ASIC2: variants seen among roughly 807,000 people sequenced by gnomAD.
ASIC2 encodes acid-sensing ion channel 2.
Under a neutral mutation model 57.3 loss-of-function variants are expected in ASIC2, and 25 were observed. The observed-to-expected ratio is 0.44, with a 90% CI of 0.32 to 0.61. ASIC2 has a LOEUF of 0.61. Ranked by LOEUF, ASIC2 falls within the 20% of genes least tolerant of loss-of-function variation. The pLI, the probability that ASIC2 is intolerant of heterozygous loss-of-function variation, is 0.06. For missense variants in ASIC2, 641 were observed against 738.1 expected (o/e 0.87, Z 1.52); for synonymous variants, 319 against 307.5 (o/e 1.04, Z -0.39).
At chr17:33,289,116 C>T (rs762697573) in intron 1 of ASIC2, among the ~76,000 whole-genome samples, 1 of 152,206 alleles carries the variant, frequency 6.6e-6, no homozygotes, top group Non-Finnish European at 1.5e-5. Context: ...GGGCTGGATA[C>T]TCCCAGGACT....
chr17:33,690,465 C>T (rs184963606), intron 1 of ASIC2, among the ~76,000 whole-genome samples: 1 of 152,260 alleles, frequency 6.6e-6, no homozygotes, highest in African/African-American at 2.4e-5. Context: ...TGGGCTTCTT[C>T]ATAGTATGAT....
chr17:33,726,239 G>C (rs1909557050), intron 1 of ASIC2, among the ~76,000 whole-genome samples: 1 of 152,094 alleles, frequency 6.6e-6, no homozygotes, highest in African/African-American at 2.4e-5. Context: ...GACACCCAGG[G>C]GTCCTAGCAT....
intron 3 of ASIC2, among the ~76,000 whole-genome samples, chr17:33,060,172 C>T (rs1295984844): frequency 6.6e-6 from 1 of 152,188 alleles, no homozygotes; most frequent in South Asian, 2.1e-4. Flanking sequence ...TTAATTAGAT[C>T]CCACTTGTCA....
chr17:33,142,836 C>T lies in ASIC2; in HGVS notation c.709-30769G>A, dbSNP rs78361392. On this transcript the variant is annotated intron_variant, in intron 1 of 9. Transcript: ENST00000225823. ...TGTCAATGTTTCTAGATGTGGTGACCACCCTCTATATGTATCCCGTAGATG... is the reference window on the plus strand; with the variant it reads ...TGTCAATGTTTCTAGATGTGGTGACTACCCTCTATATGTATCCCGTAGATG... Among the ~76,000 whole-genome samples, 79 of 152,244 alleles carry T rather than the reference C, an allele frequency of 5.2e-4. 3 individuals are homozygous for T. In the East Asian group the frequency reaches 0.011, roughly 22 times the overall value.
At chr17:33,310,198 A>G (rs909353578) in intron 1 of ASIC2, among the ~76,000 whole-genome samples, 1 of 151,710 alleles carries the variant, frequency 6.6e-6, no homozygotes, top group Non-Finnish European at 1.5e-5. Flanking sequence ...TGGTGATAAG[A>G]GTTGACATTT....
chr17:33,196,302 AGACGATGATGAT>A (rs762706651), intron 1 of ASIC2, among the ~76,000 whole-genome samples: 7 of 148,210 alleles, frequency 4.7e-5, no homozygotes, highest in Non-Finnish European at 7.4e-5. Flanking sequence ...AAAGTACACG[AGACGATGATGAT>A]GACGATGATG....
intron 1 of ASIC2, among the ~76,000 whole-genome samples, chr17:33,991,370 C>T (rs1220929031): frequency 6.6e-6 from 1 of 152,158 alleles, no homozygotes; most frequent in African/African-American, 2.4e-5. Flanking sequence ...GATCCTGACT[C>T]CCAGTCAAGT....
chr17:33,362,491 TG>T (rs1470030028), intron 1 of ASIC2, among the ~76,000 whole-genome samples: 3 of 152,140 alleles, frequency 2.0e-5, no homozygotes, highest in Non-Finnish European at 4.4e-5. Context: ...TGGATGATGT[TG>T]GGGAACACAG....
chr17:34,026,106 C>G (rs1907368073), intron 1 of ASIC2, among the ~76,000 whole-genome samples: 1 of 152,186 alleles, frequency 6.6e-6, no homozygotes, highest in African/African-American at 2.4e-5. Context: ...CCTGCAACTG[C>G]TTGATGCTAC....
At chr17:33,907,035 C>T (rs1414681630) in intron 1 of ASIC2, among the ~76,000 whole-genome samples, 2 of 152,058 alleles carry the variant, frequency 1.3e-5, no homozygotes, top group Non-Finnish European at 2.9e-5. Flanking sequence ...GTAATCAGCT[C>T]TTAACAAGGG....
intron 1 of ASIC2, among the ~76,000 whole-genome samples, chr17:33,822,418 G>A (rs770522380): frequency 2.6e-5 from 4 of 152,214 alleles, no homozygotes; most frequent in Admixed American, 6.5e-5. Context: ...GTTTGGATAT[G>A]TGAGCTCCTG....
intron 1 of ASIC2, among the ~76,000 whole-genome samples, chr17:33,327,934 T>C (rs769680305): frequency 2.6e-5 from 4 of 152,072 alleles, no homozygotes; most frequent in African/African-American, 4.8e-5. Flanking sequence ...CACATGACAA[T>C]AGAGGCAGAG....
chr17:33,459,880 C>T (rs989865008), intron 1 of ASIC2, among the ~76,000 whole-genome samples: 3 of 152,236 alleles, frequency 2.0e-5, no homozygotes, highest in Middle Eastern at 3.4e-3. Context: ...GAATGGAGCG[C>T]CTCTTCTTTA....
Position 34,102,623 on chromosome 17 carries a change from ATTTACCCATGTTATTCCATG to A in ASIC2, c.555+53335_555+53354del, listed in dbSNP as rs537098920. Among the ~76,000 whole-genome samples the A allele has an allele frequency of 1.2e-4, 19 of 152,228 alleles. No individual in the cohort carries two copies. In the East Asian group the frequency reaches 3.5e-3, roughly 28 times the overall value. ...GAGGGGGTTCAGCACTGTCTCTGAG[ATTTACCCATGTTATTCCATG>A]TATCAATAGATGCTTACTTTCTACT... On this transcript the variant is annotated intron_variant, in intron 1 of 9. Transcript: ENST00000359872.
At chr17:33,781,881 CA>C (rs1911464350) in intron 1 of ASIC2, among the ~76,000 whole-genome samples, 1 of 152,134 alleles carries the variant, frequency 6.6e-6, no homozygotes, top group Non-Finnish European at 1.5e-5. Flanking sequence ...CTTTTGACTC[CA>C]CTTGTAGATA....
chr17:33,093,744 T>A (rs1046605023), intron 2 of ASIC2, among the ~76,000 whole-genome samples: 2 of 152,092 alleles, frequency 1.3e-5, no homozygotes, highest in Admixed American at 6.5e-5. Context: ...GCAGGAGCAA[T>A]AGGCAGAATG....
intron 1 of ASIC2, among the ~76,000 whole-genome samples, chr17:34,055,102 G>A (rs1461117134): frequency 6.6e-6 from 1 of 152,162 alleles, no homozygotes; most frequent in Non-Finnish European, 1.5e-5. Flanking sequence ...AGAGGAAGAG[G>A]ATATAAAGTG....
chr17:33,787,026 A>G (rs1911619925), intron 1 of ASIC2, among the ~76,000 whole-genome samples: 1 of 152,236 alleles, frequency 6.6e-6, no homozygotes, highest in Non-Finnish European at 1.5e-5. Flanking sequence ...AGACTGATTT[A>G]CAGATACTCT....
At chr17:34,067,970 C>T (rs1909234514) in intron 1 of ASIC2, among the ~76,000 whole-genome samples, 1 of 152,162 alleles carries the variant, frequency 6.6e-6, no homozygotes, top group Non-Finnish European at 1.5e-5. Flanking sequence ...TGAAGACATC[C>T]ATTTACTACC....
Sources: gnomAD v4.1 joint callset for allele counts (sites outside exome capture counted in the v4.1 genomes callset) on GRCh38, gnomAD v4.1.1 for gene constraint, MANE v1.5 for transcripts, NCBI Gene and HGNC (gene_info 2026-07-23, HGNC 2026-07-21) for gene names.